Variants in ALDH1A2 observed in about 807,000 individuals in gnomAD.
The protein encoded by ALDH1A2 is aldehyde dehydrogenase 1 family member A2.
Under a neutral mutation model 60.3 loss-of-function variants are expected in ALDH1A2, and 27 were observed. The ratio of observed to expected loss-of-function variants is 0.45; its 90% CI spans 0.33 to 0.62. The LOEUF (loss-of-function observed/expected upper bound fraction) is 0.62, where lower values mean the gene tolerates loss of function less well. Among genes scored for constraint, ALDH1A2 ranks in the 20% least tolerant of loss-of-function variants. The pLI is 0.02. For missense variants in ALDH1A2, 581 were observed against 643.8 expected (o/e 0.90, Z 1.06); for synonymous variants, 289 against 232.4 (o/e 1.24, Z -2.21).
intron 1 of ALDH1A2, among the ~76,000 whole-genome samples, chr15:58,064,230 C>T (rs1009475598): frequency 4.6e-5 from 7 of 152,158 alleles, no homozygotes; most frequent in African/African-American, 1.4e-4. Context: ...CACATTGGCA[C>T]TATTGTTATG....
At chr15:58,043,244 C>A (rs1408009151) in intron 1 of ALDH1A2, among the ~76,000 whole-genome samples, 6 of 151,944 alleles carry the variant, frequency 3.9e-5, no homozygotes, top group Admixed American at 2.0e-4. Context: ...TGACACTTTC[C>A]AGCTAGACTT....
chr15:58,025,879 C>T (rs1896065923), intron 1 of ALDH1A2, among the ~76,000 whole-genome samples: 1 of 152,154 alleles, frequency 6.6e-6, no homozygotes, highest in Non-Finnish European at 1.5e-5. Context: ...ACAACTAGCT[C>T]TCATGTGAAC....
intron 7 of ALDH1A2, 33 bp from the exon 8 acceptor site, chr15:57,965,860 A>C: frequency 6.4e-7 from 1 of 1,565,996 alleles, no homozygotes; most frequent in Middle Eastern, 1.7e-4. Flanking sequence ...AGGTTTTGCA[A>C]ATCCTGCAGG....
intron 1 of ALDH1A2, among the ~76,000 whole-genome samples, chr15:58,022,548 A>G (rs1340046521): frequency 6.6e-6 from 1 of 152,138 alleles, no homozygotes. Context: ...AGCCACCTCA[A>G]GGCCAAGAAT....
chr15:58,002,011 C>T (rs1455089313), intron 4 of ALDH1A2, among the ~76,000 whole-genome samples: 2 of 151,834 alleles, frequency 1.3e-5, no homozygotes, highest in African/African-American at 2.4e-5. Flanking sequence ...TTCCCTTTCA[C>T]TCAGAAGGTA....
rs35214579 is a variant in ALDH1A2 at position 57,964,197 on chromosome 15, C to T, written c.902-128G>A. On this transcript the variant is annotated intron_variant, in intron 8 of 12. Coordinates refer to ENST00000249750, the MANE Select transcript of ALDH1A2 (RefSeq NM_003888.4). ...ACTGCATGACATAACCATGAATAGC[C>T]CTGGATTGGGAATGCAACTAGTTCT... is the stretch of plus-strand genomic sequence containing the variant. 3.1e-4 allele frequency: 298 copies of T among 974,692 alleles called. 1 individual carries two copies. The African/African-American group carries it at 4.3e-3, about 14-fold the overall frequency. The allele number at this position is 974,692 out of a possible 1,614,324, so 60.4% of individuals were successfully genotyped here.
chr15:58,060,138 G>T (rs1896987442), intron 1 of ALDH1A2, among the ~76,000 whole-genome samples: 1 of 152,072 alleles, frequency 6.6e-6, no homozygotes, highest in African/African-American at 2.4e-5. Flanking sequence ...CCAGGTTGGT[G>T]TCAAACTCCT....
chr15:57,974,437 A>AC (rs1291822153), intron 7 of ALDH1A2, among the ~76,000 whole-genome samples: 2 of 66,920 alleles, frequency 3.0e-5, no homozygotes, highest in Non-Finnish European at 9.5e-5. Flanking sequence ...CATCTCAAAA[A>AC]AAAAAAAAAA....
chr15:58,007,808 A>T (rs1450477201), intron 4 of ALDH1A2, among the ~76,000 whole-genome samples: 1 of 151,832 alleles, frequency 6.6e-6, no homozygotes, highest in African/African-American at 2.4e-5. Flanking sequence ...AAAAAAAAAA[A>T]AGCCAAGTAT....
chr15:57,992,305 G>A (rs926245727), intron 7 of ALDH1A2, among the ~76,000 whole-genome samples: 3 of 152,166 alleles, frequency 2.0e-5, no homozygotes, highest in Non-Finnish European at 4.4e-5. Context: ...GGTTCATGGG[G>A]TATAGTGAGT....
chr15:57,997,685 G>T (rs2140497432), intron 4 of ALDH1A2, among the ~76,000 whole-genome samples: 1 of 152,056 alleles, frequency 6.6e-6, no homozygotes, highest in East Asian at 1.9e-4. Flanking sequence ...CGAAAAAAGT[G>T]AAAGGGAAGA....
intron 10 of ALDH1A2, 58 bp downstream of exon 10, chr15:57,961,954 T>C: frequency 6.2e-7 from 1 of 1,600,948 alleles, no homozygotes; most frequent in Non-Finnish European, 8.6e-7. Context: ...CCACTAGAAA[T>C]GCTCTAGAAA....
chr15:58,035,556 T>C (rs780790909), intron 1 of ALDH1A2, among the ~76,000 whole-genome samples: 3 of 151,722 alleles, frequency 2.0e-5, no homozygotes, highest in Non-Finnish European at 4.4e-5. Flanking sequence ...GCATTCAGTG[T>C]GATACATTTC....
intron 4 of ALDH1A2, among the ~76,000 whole-genome samples, chr15:57,998,727 G>A (rs540770632): frequency 1.3e-5 from 2 of 151,904 alleles, no homozygotes; most frequent in East Asian, 1.9e-4. Context: ...GGAACCTAAA[G>A]AGCCCATATA....
At chr15:57,960,636 A>G (rs1893686487) in intron 12 of ALDH1A2, 134 bp downstream of exon 12, 6 of 752,876 alleles carry the variant, frequency 8.0e-6, no homozygotes, top group South Asian at 7.7e-5. Context: ...CTTAGCTTAT[A>G]GTAGCATGTG....
intron 1 of ALDH1A2, among the ~76,000 whole-genome samples, chr15:58,035,844 T>C (rs1185888502): frequency 6.6e-6 from 1 of 151,716 alleles, no homozygotes; most frequent in African/African-American, 2.4e-5. Flanking sequence ...TCTTGCTGAA[T>C]GCTTTGTGAG....
intron 1 of ALDH1A2, among the ~76,000 whole-genome samples, chr15:58,040,064 C>G (rs1208062778): frequency 6.6e-6 from 1 of 151,814 alleles, no homozygotes; most frequent in Non-Finnish European, 1.5e-5. Context: ...TTATTGAATA[C>G]CTACTATGAA....
intron 7 of ALDH1A2, among the ~76,000 whole-genome samples, chr15:57,983,395 G>A (rs1455203064): frequency 6.6e-6 from 1 of 152,020 alleles, no homozygotes; most frequent in African/African-American, 2.4e-5. Context: ...TTGTATTTTG[G>A]TTCCCATAAA....
intron 7 of ALDH1A2, among the ~76,000 whole-genome samples, chr15:57,972,252 G>GCT (rs1894093895): frequency 6.6e-6 from 1 of 152,172 alleles, no homozygotes; most frequent in Non-Finnish European, 1.5e-5. Flanking sequence ...CAAGCCTCAG[G>GCT]CTCTTCTCCC....
Sources: allele counts gnomAD v4.1 joint callset (sites outside exome capture counted in the v4.1 genomes callset), GRCh38; gene constraint gnomAD v4.1.1; transcripts MANE v1.5; gene names NCBI Gene and HGNC (gene_info 2026-07-23, HGNC 2026-07-21).